The following USP3 variants were observed in gnomAD, a reference collection of about 807,000 sequenced individuals.
USP3 encodes ubiquitin specific peptidase 3, also known as ubiquitin carboxyl-terminal hydrolase 3.
In USP3, 20 loss-of-function variants were observed where a neutral mutation model predicts 72.3. That is an observed-to-expected ratio of 0.28 (90% CI 0.19 to 0.40). The LOEUF (loss-of-function observed/expected upper bound fraction) is 0.40, where lower values mean the gene tolerates loss of function less well. Ranked by LOEUF, USP3 falls within the 10% of genes least tolerant of loss-of-function variation. The pLI, the probability that USP3 is intolerant of heterozygous loss-of-function variation, is 1.00. For missense variants in USP3, 479 were observed against 633.9 expected (o/e 0.76, Z 2.62); for synonymous variants, 222 against 225.3 (o/e 0.99, Z 0.13).
At chr15:63,509,722 C>G (rs1032193362) in intron 1 of USP3, among the ~76,000 whole-genome samples, 3 of 152,128 alleles carry the variant, frequency 2.0e-5, no homozygotes, top group Non-Finnish European at 4.4e-5. Flanking sequence ...AACCCCGTCC[C>G]CCAGAATCTT....
At chr15:63,566,323 AT>A (rs542695276) in intron 8 of USP3, among the ~76,000 whole-genome samples, 91 of 142,314 alleles carry the variant, frequency 6.4e-4, no homozygotes, top group Admixed American at 1.2e-3. Flanking sequence ...TTTTAATTTT[AT>A]TTTTTATTTG....
rs955055434 is a variant in USP3 at position 63,591,059 on chromosome 15, T to G, written c.*233T>G. 3 of 434,528 alleles carry G rather than the reference T, an allele frequency of 6.9e-6. No individual in the cohort carries two copies. The highest frequency in any genetic ancestry group is 6.1e-5 in the African/African-American group (3 of 48,980). 26.9% of individuals were successfully genotyped at this position (434,528 alleles called of 1,614,324 possible). On this transcript the variant is annotated 3_prime_UTR_variant, in exon 15 of 15. Coordinates refer to ENST00000380324, the MANE Select transcript of USP3 (RefSeq NM_006537.4). Reference sequence around the variant, plus strand: ...GCTGCTTTAGTTGTAATAATTCAATTTTTATAGGTAGTTGTAAGAACTTAG... The same window carrying G: ...GCTGCTTTAGTTGTAATAATTCAATGTTTATAGGTAGTTGTAAGAACTTAG...
At position 63,593,271 on chromosome 15, in the gene USP3, G is replaced by A. The variant is rs1051046036; in HGVS notation, c.*2445G>A. 2.6e-5 allele frequency: 4 copies of A among 152,244 alleles called. No individual in the cohort carries two copies. The highest frequency in any genetic ancestry group is 4.8e-5 in the African/African-American group (2 of 41,470). The allele number at this position is 152,244 out of a possible 1,614,324, so 9.4% of individuals were successfully genotyped here. ...AAATGACAGCTCCACCTGATCTGATGTATCACACATTAACATCACATCTAA... is the reference window on the plus strand; with the variant it reads ...AAATGACAGCTCCACCTGATCTGATATATCACACATTAACATCACATCTAA... On this transcript the variant is annotated 3_prime_UTR_variant, in exon 15 of 15. Transcript: ENST00000380324.
chr15:63,523,547 G>C (rs572196795), intron 1 of USP3, among the ~76,000 whole-genome samples: 1 of 152,198 alleles, frequency 6.6e-6, no homozygotes, highest in Non-Finnish European at 1.5e-5. Context: ...CTTCTCGAAG[G>C]GTTCAAGGGC....
rs2067239414 is a variant in USP3 at position 63,593,418 on chromosome 15, T to G, written c.*2592T>G. 6.6e-6 allele frequency: 1 copy of G among 152,246 alleles called. No individual in the cohort carries two copies. Among genetic ancestry groups the G allele is most frequent in the Non-Finnish European group, 1.5e-5 (1 of 68,042 alleles). The allele number at this position is 152,246 out of a possible 1,614,324, so 9.4% of individuals were successfully genotyped here. The stretch of plus-strand genomic sequence containing the variant: ...TTGATACTTCGATCTTCAGTCTCTC[T>G]GAATGGGCAGCTGTTAAACAGTAAA... On this transcript the variant is annotated 3_prime_UTR_variant, in exon 15 of 15. Transcript: ENST00000380324.
At chr15:63,571,448 T>A (rs1433697476) in intron 9 of USP3, among the ~76,000 whole-genome samples, 1 of 152,240 alleles carries the variant, frequency 6.6e-6, no homozygotes, top group Non-Finnish European at 1.5e-5. Context: ...ATTGCCATAC[T>A]TCTCAAAATG....
chr15:63,578,363 G>C (rs1410515219), intron 11 of USP3, among the ~76,000 whole-genome samples: 1 of 152,104 alleles, frequency 6.6e-6, no homozygotes, highest in African/African-American at 2.4e-5. Context: ...CCAGCACTTT[G>C]GGAGGCCGAG....
At chr15:63,559,776 A>G (rs1443878825) in intron 6 of USP3, 81 bp from the exon 7 acceptor site, 1 of 1,212,724 alleles carries the variant, frequency 8.2e-7, no homozygotes, top group African/African-American at 1.5e-5. Flanking sequence ...CAGTTTCAAA[A>G]TGTATATGTA....
chr15:63,548,161 G>T (rs560945500), intron 3 of USP3, among the ~76,000 whole-genome samples: 3 of 151,646 alleles, frequency 2.0e-5, no homozygotes, highest in Non-Finnish European at 4.4e-5. Context: ...TAGAGACAGG[G>T]TCTCTGTCAC....
At chr15:63,581,784 T>C (rs1011556682) in intron 11 of USP3, among the ~76,000 whole-genome samples, 21 of 151,998 alleles carry the variant, frequency 1.4e-4, no homozygotes, top group Admixed American at 1.2e-3. Context: ...AGCTTCAACC[T>C]CTTAGTCTGA....
intron 11 of USP3, among the ~76,000 whole-genome samples, chr15:63,584,919 T>C (rs1224031623): frequency 2.0e-5 from 3 of 152,206 alleles, no homozygotes; most frequent in African/African-American, 7.2e-5. Flanking sequence ...TTGATCTATT[T>C]AAATTTTTGT....
intron 3 of USP3, among the ~76,000 whole-genome samples, chr15:63,540,758 A>G (rs1348257326): frequency 6.6e-6 from 1 of 152,234 alleles, no homozygotes; most frequent in East Asian, 1.9e-4. Flanking sequence ...GCGAAAAGGA[A>G]TGATTCTGAT....
chr15:63,562,524 G>T (rs898530723), intron 7 of USP3, among the ~76,000 whole-genome samples: 10 of 152,170 alleles, frequency 6.6e-5, no homozygotes, highest in African/African-American at 2.4e-4. Context: ...GAAGGACAAG[G>T]CAGGAGGGGG....
chr15:63,545,771 G>A (rs1013732619), intron 3 of USP3, among the ~76,000 whole-genome samples: 3 of 151,864 alleles, frequency 2.0e-5, no homozygotes, highest in African/African-American at 7.3e-5. Context: ...AAGAGTTCGA[G>A]ACTAGCCTGA....
At chr15:63,514,742 G>A (rs545816051) in intron 1 of USP3, among the ~76,000 whole-genome samples, 4 of 152,080 alleles carry the variant, frequency 2.6e-5, no homozygotes, top group East Asian at 1.9e-4. Flanking sequence ...AAATATATAC[G>A]AGTCTTTTCT....
intron 11 of USP3, among the ~76,000 whole-genome samples, chr15:63,587,070 C>A (rs2067082254): frequency 6.6e-6 from 1 of 152,152 alleles, no homozygotes; most frequent in Non-Finnish European, 1.5e-5. Flanking sequence ...GAGCGCTTTT[C>A]TGTACACAGC....
chr15:63,561,409 G>A (rs780813529), intron 7 of USP3, among the ~76,000 whole-genome samples: 3 of 152,148 alleles, frequency 2.0e-5, no homozygotes, highest in Admixed American at 6.5e-5. Context: ...CAGCAGCACC[G>A]CAGTCACAGT....
chr15:63,523,205 C>CTG (rs2065941170), intron 1 of USP3, among the ~76,000 whole-genome samples: 1 of 152,060 alleles, frequency 6.6e-6, no homozygotes, highest in Admixed American at 6.5e-5. Context: ...GGGAATGGAA[C>CTG]TGACATTCAC....
chr15:63,584,099 T>G lies in USP3; in HGVS notation c.1097-4206T>G, dbSNP rs867106197. Among the ~76,000 whole-genome samples the G allele has an allele frequency of 1.0e-2, 1,430 of 143,294 alleles. 17 individuals are homozygous for G. Among genetic ancestry groups the G allele is most frequent in the African/African-American group, 0.036 (1,373 of 38,400 alleles). The allele number at this position is 143,294 out of a possible 152,430, so 94.0% of individuals were successfully genotyped here. ...GCAAGGTACAACGGTTTTGTTTTTT[T>G]TTTTTTTTTTTTTTTTGAGATGGAG... On this transcript the variant is annotated intron_variant, in intron 11 of 14. Transcript: ENST00000380324.
Sources: allele counts gnomAD v4.1 joint callset (sites outside exome capture counted in the v4.1 genomes callset), GRCh38; gene constraint gnomAD v4.1.1; transcripts MANE v1.5; gene names NCBI Gene and HGNC (gene_info 2026-07-23, HGNC 2026-07-21).